Variants in MGAM observed in about 807,000 individuals in gnomAD.
MGAM encodes maltase-glucoamylase, also known as alpha-1,4-glucosidase.
MGAM carries 253 observed loss-of-function variants against 358.8 expected under a neutral mutation model. The observed-to-expected ratio is 0.71, with a 90% CI of 0.64 to 0.78. The LOEUF (loss-of-function observed/expected upper bound fraction) is 0.78, where lower values mean the gene tolerates loss of function less well. Ranked by LOEUF, MGAM falls within the 30% of genes least tolerant of loss-of-function variation. The pLI, the probability that MGAM is intolerant of heterozygous loss-of-function variation, is 0.00. For missense variants in MGAM, 3,080 were observed against 3,432.6 expected (o/e 0.90, Z 2.57); for synonymous variants, 1,105 against 1,227.1 (o/e 0.90, Z 2.08).
Position 142,046,060 on chromosome 7 carries a change from A to G in MGAM, c.2499-1725A>G, listed in dbSNP as rs1017563411. 1.3e-4 allele frequency among the ~76,000 whole-genome samples: 18 copies of G among 136,372 alleles called. 1 individual carries two copies. The highest frequency in any genetic ancestry group is 4.4e-4 in the African/African-American group (16 of 36,200). 89.5% of individuals were successfully genotyped at this position (136,372 alleles called of 152,430 possible). A position where few individuals can be genotyped will look rare whatever the true frequency, so the allele number is the denominator to read the frequency against. ...ATATTATATATACATACAATATGTA[A>G]TATAATATATAATATAGAAATTTAT... On this transcript the variant is annotated intron_variant, in intron 21 of 70. Transcript: ENST00000475668.
chr7:142,089,783 T>C (rs1815194732), intron 57 of MGAM, among the ~76,000 whole-genome samples: 1 of 145,492 alleles, frequency 6.9e-6, no homozygotes, highest in Non-Finnish European at 1.6e-5. Context: ...CGAGACTCCG[T>C]CTCAGAAGAA....
At chr7:142,103,532 C>T in intron 70 of MGAM, 93 bp downstream of exon 70, 1 of 1,222,438 alleles carries the variant, frequency 8.2e-7, no homozygotes, top group Non-Finnish European at 1.1e-6. Context: ...GATGCCCTCT[C>T]CTGCCAGGCC....
At chr7:142,058,642 T>C (rs1811796300) in intron 31 of MGAM, among the ~76,000 whole-genome samples, 1 of 152,176 alleles carries the variant, frequency 6.6e-6, no homozygotes, top group Non-Finnish European at 1.5e-5. Flanking sequence ...AAGTCCTTGG[T>C]TTCATAAGAA....
chr7:142,034,817 G>A lies in MGAM; in HGVS notation c.1935G>A (p.Glu645=). 1 of 1,612,798 alleles carries A rather than the reference G, an allele frequency of 6.2e-7. No individual in the cohort carries two copies. ...GATGGTCCATCCCTGGCGTGCTTGAGTTCAACCTTTTTGGCATCCCAATGG... is the reference window on the plus strand; with the variant it reads ...GATGGTCCATCCCTGGCGTGCTTGAATTCAACCTTTTTGGCATCCCAATGG... ...DLRWSIPGVL[E]FNLFGIPMVG... The change falls in exon 16 of 71, where the codon GAG becomes GAA. Residue 645 remains glutamate, a synonymous_variant. Coordinates refer to ENST00000475668, the MANE Select transcript of MGAM (RefSeq NM_001365693.1).
intron 1 of MGAM, 149 bp from the exon 2 acceptor site, chr7:142,005,380 T>G: frequency 1.2e-4 from 66 of 557,118 alleles, no homozygotes; most frequent in Admixed American, 1.6e-4. Context: ...GAATTGGCCA[T>G]GAGCTGATAA....
At position 142,055,737 on chromosome 7, in the gene MGAM, A is replaced by G; in HGVS notation, c.3483+11A>G. 2 of 1,613,150 alleles carry G rather than the reference A, an allele frequency of 1.2e-6. No individual in the cohort carries two copies. Among genetic ancestry groups the G allele is most frequent in the Non-Finnish European group, 1.7e-6 (2 of 1,179,442 alleles). ...GACCAGCCCCCAGGGGTAAGGACAG[A>G]GCATTTGGGATCTGTGTCTCTGCTT... On this transcript the variant is annotated intron_variant, in intron 28 of 70. Coordinates refer to ENST00000475668, the MANE Select transcript of MGAM (RefSeq NM_001365693.1).
chr7:142,002,454 A>T (rs1804808511), intron 1 of MGAM, among the ~76,000 whole-genome samples: 1 of 152,214 alleles, frequency 6.6e-6, no homozygotes, highest in Non-Finnish European at 1.5e-5. Context: ...TCACACAAAC[A>T]GAATTAAAAA....
intron 19 of MGAM, 96 bp downstream of exon 19, chr7:142,038,711 C>T: frequency 2.4e-6 from 2 of 850,886 alleles, no homozygotes; most frequent in Admixed American, 2.9e-5. Context: ...TCACTTCTGA[C>T]ATCTGTGACT....
At chr7:141,990,564 C>T (rs965193523) in intron 2 of MGAM, among the ~76,000 whole-genome samples, 1 of 152,128 alleles carries the variant, frequency 6.6e-6, no homozygotes, top group African/African-American at 2.4e-5. Flanking sequence ...CATTGTGGCT[C>T]CAGTGTACTT....
rs782491222 is a variant in MGAM at position 142,030,455 on chromosome 7, G to A, written c.1315G>A (p.Glu439Lys). ...TAAAGGCTTCCCTGAATTTGTCAACGAGTTACACAATAATGGACAGAAGCT... is the reference window on the plus strand; with the variant it reads ...TAAAGGCTTCCCTGAATTTGTCAACAAGTTACACAATAATGGACAGAAGCT... The part of the protein sequence containing the change: ...DFKGFPEFVN[E>K]LHNNGQKLVI... The change falls in exon 11 of 71, where the codon GAG becomes AAG. Residue 439 changes from glutamate (E) to lysine (K), a missense_variant. Glu to Lys is a moderately conservative substitution (Grantham distance 56, BLOSUM62 1). Coordinates refer to ENST00000475668, the MANE Select transcript of MGAM (RefSeq NM_001365693.1). 3.1e-6 allele frequency: 5 copies of A among 1,613,482 alleles called. No individual in the cohort carries two copies. Among genetic ancestry groups the A allele is most frequent in the East Asian group, 2.2e-5 (1 of 44,860 alleles).
chr7:142,098,446 G>A (rs552145873), intron 66 of MGAM, among the ~76,000 whole-genome samples: 9 of 152,196 alleles, frequency 5.9e-5, no homozygotes, highest in Non-Finnish European at 7.4e-5. Flanking sequence ...TGGAAATACA[G>A]CAAAGGGGTA....
At chr7:142,027,075 C>G in intron 8 of MGAM, 40 bp from the exon 9 acceptor site, 1 of 1,440,634 alleles carries the variant, frequency 6.9e-7, no homozygotes, top group Non-Finnish European at 9.8e-7. Context: ...ATTCAAGAAT[C>G]AATTCTGATT....
Position 142,008,527 on chromosome 7 carries a change from G to A in MGAM, c.149G>A (p.Gly50Asp). Residue 50 changes from glycine (G) to aspartate (D), a missense_variant, in exon 3 of 71, where the codon GGT (glycine) becomes GAT (aspartate). By Grantham distance (94) the Gly-to-Asp change is moderately conservative (BLOSUM62 -1). Around this residue, in one of 5 missense-constraint regions of MGAM, gnomAD observed 1,816 missense variants for 1,840.5 expected, o/e 0.99. Coordinates refer to ENST00000475668, the MANE Select transcript of MGAM (RefSeq NM_001365693.1). The part of the protein sequence containing the change: ...KSTAPDPGTT[G>D]TPDPGTTGTP... ...ATAGCCCCAGATCCTGGGACAACTG[G>A]TACCCCAGATCCTGGGACAACTGGT... 1 of 1,610,920 alleles carries A rather than the reference G, an allele frequency of 6.2e-7. No individual in the cohort carries two copies. Among genetic ancestry groups the A allele is most frequent in the Non-Finnish European group, 8.5e-7 (1 of 1,178,474 alleles).
At chr7:142,046,232 A>G (rs1042690300) in intron 21 of MGAM, among the ~76,000 whole-genome samples, 1 of 150,184 alleles carries the variant, frequency 6.7e-6, no homozygotes, top group Non-Finnish European at 1.5e-5. Flanking sequence ...TAGTATTTCA[A>G]GAACAGTTGT....
rs6977302 is a variant in MGAM at position 142,057,791 on chromosome 7, A to C, written c.3694-412A>C. 4.6e-5 allele frequency among the ~76,000 whole-genome samples: 7 copies of C among 151,952 alleles called. No homozygotes were observed. The South Asian group carries it at 1.5e-3, about 32-fold the overall frequency. The stretch of plus-strand genomic sequence containing the variant: ...TTCACACATATTAACTCATTCATGC[A>C]TCACAGAAACACTATCAGGCAGATG... On this transcript the variant is annotated intron_variant, in intron 30 of 70. Transcript: ENST00000475668.
rs1814488949 is a variant in MGAM, at chr7:142,083,351, G to T, written c.6319G>T (p.Val2107Phe). The change falls in exon 53 of 71, where the codon GTT becomes TTT. Residue 2107 changes from valine to phenylalanine, a missense_variant. Around this residue, in one of 5 missense-constraint regions of MGAM, gnomAD observed 932 missense variants for 1,198.2 expected, o/e 0.78. Transcript: ENST00000475668. ...PALTYRTTGG[V>F]LDFYVFLGPT... is the part of the protein sequence containing the mutation. ...CTTGACATACCGTACCACAGGGGGA[G>T]TTCTGGACTTTTATGTGTTCTTGGG... 1 of 1,554,594 alleles carries T rather than the reference G, an allele frequency of 6.4e-7. No individual in the cohort carries two copies. The highest frequency in any genetic ancestry group is 8.8e-7 in the Non-Finnish European group (1 of 1,131,776).
chr7:142,034,560 G>A, intron 15 of MGAM, 110 bp from the exon 16 acceptor site: 1 of 1,060,052 alleles, frequency 9.4e-7, no homozygotes, highest in Non-Finnish European at 1.4e-6. Flanking sequence ...AAAGAGAGTT[G>A]GAAGAGAATG....
chr7:142,087,325 A>T (rs942778907), intron 57 of MGAM, among the ~76,000 whole-genome samples: 16 of 145,892 alleles, frequency 1.1e-4, no homozygotes, highest in African/African-American at 3.9e-4. Flanking sequence ...TAATGGATCC[A>T]AGTAGCCCAT....
At chr7:142,014,925 A>T (rs185127474) in intron 3 of MGAM, among the ~76,000 whole-genome samples, 3 of 152,152 alleles carry the variant, frequency 2.0e-5, no homozygotes, top group Non-Finnish European at 4.4e-5. Context: ...TCCCATTCTG[A>T]ATATTTTTGT....
Sources: allele counts gnomAD v4.1 joint callset (sites outside exome capture counted in the v4.1 genomes callset), GRCh38; gene constraint gnomAD v4.1.1; regional missense constraint gnomAD v4.1.1; transcripts MANE v1.5; gene names NCBI Gene and HGNC (gene_info 2026-07-23, HGNC 2026-07-21).